The following APC variants were observed in gnomAD, a reference collection of about 807,000 sequenced individuals.
APC encodes the protein adenomatous polyposis coli protein.
Under a neutral mutation model 247.0 loss-of-function variants are expected in APC, and 72 were observed. The ratio of observed to expected loss-of-function variants is 0.29; its 90% CI spans 0.24 to 0.35. APC has a LOEUF of 0.35. APC is among the 10% of genes least tolerant of loss of function. The pLI, the probability that APC is intolerant of heterozygous loss-of-function variation, is 1.00. For synonymous variants in APC, 1,254 were observed against 1,162.5 expected, an observed-to-expected ratio of 1.08 and a Z score of -1.60; for missense variants, 3,400 against 3,360.7, an observed-to-expected ratio of 1.01 and a Z score of -0.29.
At chr5:112,759,694 C>G (rs548559550) in intron 2 of APC, among the ~76,000 whole-genome samples, 1 of 152,262 alleles carries the variant, frequency 6.6e-6, no homozygotes, top group East Asian at 1.9e-4. Context: ...TGTTAAAATA[C>G]TTCTAAGACA....
At position 112,818,855 on chromosome 5, in the gene APC, G is replaced by GGGTGTTTTGTTTTTTTTGAGT; in HGVS notation, c.934-111_934-110insGGTGTTTTGTTTTTTTTGAGT. ...TTTTGTTTTTTTTTTGGCGGGGGGG[G>GGGTGTTTTGTTTTTTTTGAGT]TTGTTTTGTTTTTTTAGAGTTATAG... On this transcript the variant is annotated intron_variant, in intron 9 of 15. Coordinates refer to ENST00000257430, the MANE Select transcript of APC (RefSeq NM_000038.6). 7.2e-6 allele frequency: 8 copies of GGGTGTTTTGTTTTTTTTGAGT among 1,118,288 alleles called. No homozygotes were observed. In the East Asian group the frequency reaches 1.0e-4, roughly 14 times the overall value. The allele number at this position is 1,118,288 out of a possible 1,614,324, so 69.3% of individuals were successfully genotyped here.
At chr5:112,781,108 G>C (rs1758296046) in intron 6 of APC, among the ~76,000 whole-genome samples, 1 of 152,110 alleles carries the variant, frequency 6.6e-6, no homozygotes, top group Non-Finnish European at 1.5e-5. Flanking sequence ...CATTTCCCCT[G>C]GTACTGTTCT....
intron 1 of APC, among the ~76,000 whole-genome samples, chr5:112,753,811 C>G (rs545600293): frequency 6.6e-6 from 1 of 152,254 alleles, no homozygotes; most frequent in East Asian, 1.9e-4. Context: ...ATTACAGAGG[C>G]ATTTTTTTAA....
At chr5:112,740,204 G>A (rs1752828778) in intron 1 of APC, among the ~76,000 whole-genome samples, 1 of 152,150 alleles carries the variant, frequency 6.6e-6, no homozygotes, top group Non-Finnish European at 1.5e-5. Flanking sequence ...AAATGGAGAA[G>A]CAGCAGTTTT....
In APC at chr5:112,840,078, G is replaced by C. The variant is rs1580648741; in HGVS notation, c.4484G>C (p.Ser1495Thr). ...ACTTTATTACATTTTGCCACGGAAA[G>C]TACTCCAGATGGATTTTCTTGTTCA... is the stretch of plus-strand genomic sequence containing the variant. ...ADTLLHFATE[S>T]TPDGFSCSSS... The change falls in exon 16 of 16, where the codon AGT (serine) becomes ACT (threonine). Residue 1495 changes from serine to threonine, a missense_variant. By Grantham distance (58) the Ser-to-Thr change is moderately conservative (BLOSUM62 1). Transcript: ENST00000257430. The surrounding 1 kb of genome is among the most constrained non-coding windows in gnomAD (Gnocchi z 4.1). The C allele has an allele frequency of 6.2e-7, 1 of 1,614,150 alleles. No individual in the cohort carries two copies. The highest frequency in any genetic ancestry group is 1.3e-5 in the African/African-American group (1 of 75,052).
rs1490241563 is a variant in APC, at chr5:112,840,975, A to G, written c.5381A>G (p.Asp1794Gly). 6.2e-7 allele frequency: 1 copy of G among 1,612,776 alleles called. No homozygotes were observed. The highest frequency in any genetic ancestry group is 8.5e-7 in the Non-Finnish European group (1 of 1,179,218). ...EYRTRVRKNA[D>G]SKNNLNAERV... ...AGGACACGTGTAAGAAAAAATGCAG[A>G]CTCAAAAAATAATTTAAATGCTGAG... The change falls in exon 16 of 16, where the codon GAC (aspartate) becomes GGC (glycine). Residue 1794 changes from aspartate (D) to glycine (G), a missense_variant. This residue lies in a region of APC where 1,788 missense variants were observed against 1,649.5 expected (regional missense o/e 1.08). Transcript: ENST00000257430. The surrounding 1 kb of genome is among the most constrained non-coding windows in gnomAD (Gnocchi z 4.1).
Position 112,827,233 on chromosome 5 carries a change from G to A in APC, c.1534G>A (p.Asp512Asn), listed in dbSNP as rs876659153. ...GGCTTTGACAAACTTGACTTTTGGAGATGTAGCCAACAAGGTATGTTTTTA... is the reference window on the plus strand; with the variant it reads ...GGCTTTGACAAACTTGACTTTTGGAAATGTAGCCAACAAGGTATGTTTTTA... ...GMALTNLTFG[D>N]VANKATLCSM... Residue 512 changes from aspartate to asparagine, a missense_variant, in exon 12 of 16, where the codon GAT (aspartate) becomes AAT (asparagine). Around this residue, in one of 9 missense-constraint regions of APC, gnomAD observed 184 missense variants for 248.0 expected, o/e 0.74. Transcript: ENST00000257430. 1 of 1,613,858 alleles carries A rather than the reference G, an allele frequency of 6.2e-7. No individual in the cohort carries two copies. Among genetic ancestry groups the A allele is most frequent in the Non-Finnish European group, 8.5e-7 (1 of 1,179,876 alleles).
At position 112,754,870 on chromosome 5, in the gene APC, T is replaced by C. The variant is rs1581121434; in HGVS notation, c.-18-3T>C. On this transcript the variant is annotated splice_region_variant and splice_polypyrimidine_tract_variant and intron_variant, in intron 1 of 15. Transcript: ENST00000257430. ...AATTTCAAAATCCTTTTTAACCTTA[T>C]AGGTCCAAGGGTAGCCAAGGATGGC... 1 of 1,613,284 alleles carries C rather than the reference T, an allele frequency of 6.2e-7. No individual in the cohort carries two copies. The highest frequency in any genetic ancestry group is 8.5e-7 in the Non-Finnish European group (1 of 1,179,440).
At chr5:112,738,371 C>G in intron 1 of APC, 1 of 985,376 alleles carries the variant, frequency 1.0e-6, no homozygotes, top group Non-Finnish European at 1.2e-6. Flanking sequence ...CATTGGTGGC[C>G]AAAAGAGAGA....
intron 1 of APC, among the ~76,000 whole-genome samples, chr5:112,715,524 A>C (rs530494811): frequency 6.6e-6 from 1 of 152,252 alleles, no homozygotes; most frequent in South Asian, 2.1e-4. Flanking sequence ...AATAGAATAA[A>C]ATGAGGTGCC....
Position 112,759,113 on chromosome 5 carries a change from T to C in APC, c.135+4088T>C, listed in dbSNP as rs188688941. 1.4e-4 allele frequency among the ~76,000 whole-genome samples: 21 copies of C among 152,308 alleles called. 1 individual carries two copies. In the East Asian group the frequency reaches 4.0e-3, roughly 29 times the overall value. ...TGTAAAACAATATACATGTAAAGTATATCTTTTCAGAAAGTAAGGAAAAAC... is the reference window on the plus strand; with the variant it reads ...TGTAAAACAATATACATGTAAAGTACATCTTTTCAGAAAGTAAGGAAAAAC... On this transcript the variant is annotated intron_variant, in intron 2 of 15. Transcript: ENST00000257430.
chr5:112,842,026 G>A lies in APC; in HGVS notation c.6432G>A (p.Leu2144=), dbSNP rs1580670718. The A allele has an allele frequency of 1.2e-6, 2 of 1,613,340 alleles. No homozygotes were observed. The highest frequency in any genetic ancestry group is 8.5e-7 in the Non-Finnish European group (1 of 1,179,416). Residue 2144 remains leucine, a synonymous_variant, in exon 16 of 16, where the codon CTG becomes CTA. Coordinates refer to ENST00000257430, the MANE Select transcript of APC (RefSeq NM_000038.6). ...TTTCCCTGAAATCAGGAATCTCTCT[G>A]GGATCACCATTTCATCTTACACCTG... is the stretch of plus-strand genomic sequence containing the variant. ...SILSLKSGIS[L]GSPFHLTPDQ... is the part of the protein sequence containing the mutation.
chr5:112,820,791 T>C (rs994393166), intron 10 of APC, among the ~76,000 whole-genome samples: 3 of 152,194 alleles, frequency 2.0e-5, no homozygotes, highest in African/African-American at 4.8e-5. Flanking sequence ...TTAAAAAATA[T>C]CTGTTTACTG....
chr5:112,738,079 C>G (rs1299942494), intron 1 of APC, among the ~76,000 whole-genome samples, 154 bp downstream of exon 1: 1 of 152,160 alleles, frequency 6.6e-6, no homozygotes, highest in African/African-American at 2.4e-5. Flanking sequence ...CCCCGCCCCC[C>G]ACTGCAGCAC....
At chr5:112,804,144 T>C (rs1761121880) in intron 8 of APC, among the ~76,000 whole-genome samples, 1 of 152,198 alleles carries the variant, frequency 6.6e-6, no homozygotes, top group Non-Finnish European at 1.5e-5. Context: ...ACCGTTTAAA[T>C]GTCACTTCTT....
In APC at chr5:112,840,674, G is replaced by A. The variant is rs1580656018; in HGVS notation, c.5080G>A (p.Gly1694Ser). The change falls in exon 16 of 16, where the codon GGC becomes AGC. Residue 1694 changes from glycine to serine, a missense_variant. Gly to Ser is a moderately conservative substitution (Grantham distance 56). Transcript: ENST00000257430. This position sits in a 1 kb window ranked among gnomAD's most constrained non-coding sequence, Gnocchi z 4.1. ...FEKRDTIPTE[G>S]RSTDEAQGGK... ...AAAACGAGATACCATTCCTACAGAA[G>A]GCAGAAGTACAGATGAGGCTCAAGG... 6.2e-7 allele frequency: 1 copy of A among 1,614,082 alleles called. No individual in the cohort carries two copies.
At chr5:112,749,483 T>C (rs896696858) in intron 1 of APC, among the ~76,000 whole-genome samples, 2 of 139,352 alleles carry the variant, frequency 1.4e-5, no homozygotes, top group African/African-American at 5.8e-5. Context: ...GCTCCAATTT[T>C]TTTTTTTTTT....
At position 112,750,553 on chromosome 5, in the gene APC, TGTA is replaced by T. The variant is rs553890868; in HGVS notation, c.-18-4316_-18-4314del. Reference sequence around the variant, plus strand: ...TCAGCCTCATTCTTCTTAATACCAATGTAGTATTTCACTGTACAGATGTGCATT... The same window carrying T: ...TCAGCCTCATTCTTCTTAATACCAATGTATTTCACTGTACAGATGTGCATT... On this transcript the variant is annotated intron_variant, in intron 1 of 15. Coordinates refer to ENST00000257430, the MANE Select transcript of APC (RefSeq NM_000038.6). Among the ~76,000 whole-genome samples the T allele has an allele frequency of 3.3e-5, 5 of 152,218 alleles. No homozygotes were observed. In the South Asian group the frequency reaches 1.0e-3, roughly 32 times the overall value.
rs1019221239 is a variant in APC, at chr5:112,835,093, T to C, written c.1886T>C (p.Leu629Ser). ...TLTYRSQTNTLAIIESGGGIL... is the reference protein window; with the variant it reads ...TLTYRSQTNTSAIIESGGGIL... Reference sequence around the variant, plus strand: ...ACTTACCGGAGCCAGACAAACACTTTAGCCATTATTGAAAGTGGAGGTGGG... The same window carrying C: ...ACTTACCGGAGCCAGACAAACACTTCAGCCATTATTGAAAGTGGAGGTGGG... The change falls in exon 15 of 16, where the codon TTA becomes TCA. Residue 629 changes from leucine (L) to serine (S), a missense_variant. By Grantham distance (145) the Leu-to-Ser change is moderately radical. Coordinates refer to ENST00000257430, the MANE Select transcript of APC (RefSeq NM_000038.6). The C allele has an allele frequency of 6.2e-7, 1 of 1,614,154 alleles. No homozygotes were observed. Among genetic ancestry groups the C allele is most frequent in the Non-Finnish European group, 8.5e-7 (1 of 1,180,002 alleles).
Sources: allele counts gnomAD v4.1 joint callset (sites outside exome capture counted in the v4.1 genomes callset), GRCh38; gene constraint gnomAD v4.1.1; regional missense constraint gnomAD v4.1.1; non-coding constraint Gnocchi (gnomAD v3.1); transcripts MANE v1.5; gene names NCBI Gene and HGNC (gene_info 2026-07-23, HGNC 2026-07-21).